KCNH6: variants seen among roughly 807,000 people sequenced by gnomAD.
KCNH6 encodes voltage-gated inwardly rectifying potassium channel KCNH6.
Under a neutral mutation model 83.4 loss-of-function variants are expected in KCNH6, and 81 were observed. The observed-to-expected ratio is 0.97, with a 90% CI of 0.81 to 1.17. The LOEUF (loss-of-function observed/expected upper bound fraction) is 1.17. KCNH6 is among the 50% of genes most tolerant of loss of function. The probability of loss-of-function intolerance (pLI) is 0.00; values close to 1 mark genes in which losing one functional copy is unlikely to be tolerated. For synonymous variants in KCNH6, 503 were observed against 545.6 expected (o/e 0.92, Z 1.09); for missense variants, 1,203 against 1,290.5 (o/e 0.93, Z 1.04).
intron 9 of KCNH6, among the ~76,000 whole-genome samples, chr17:63,543,167 T>C (rs565583236): frequency 2.8e-4 from 42 of 152,314 alleles, no homozygotes; most frequent in Non-Finnish European, 5.9e-4. Flanking sequence ...CCCCTCCACC[T>C]TGGGGGAGGG....
At chr17:63,548,779 T>A (rs755061715), downstream of KCNH6, 1 of 152,138 alleles carries the variant, frequency 6.6e-6, no homozygotes, top group Non-Finnish European at 1.5e-5. Context: ...TTTAAATTTG[T>A]TTTTAAACTT....
Position 63,545,221 on chromosome 17 carries a change from G to C in KCNH6, c.2540G>C (p.Ser847Thr), listed in dbSNP as rs1382965224. The C allele has an allele frequency of 6.2e-7, 1 of 1,613,570 alleles. No individual in the cohort carries two copies. The highest frequency in any genetic ancestry group is 1.1e-5 in the South Asian group (1 of 91,090). ...ALVPIASETT[S>T]PGPRLPQGFL... Reference sequence around the variant, plus strand: ...GTTCCTATAGCCTCGGAGACGACGAGTCCAGGGCCCAGGCTGCCCCAGGGC... The same window carrying C: ...GTTCCTATAGCCTCGGAGACGACGACTCCAGGGCCCAGGCTGCCCCAGGGC... Residue 847 changes from serine to threonine, a missense_variant, in exon 12 of 13, where the codon AGT (serine) becomes ACT (threonine). By Grantham distance (58) the Ser-to-Thr change is moderately conservative. Transcript: ENST00000314672.
In KCNH6 at chr17:63,546,254, A is replaced by AG. The variant is rs1213667171; in HGVS notation, c.*352_*353insG. 6.2e-6 allele frequency: 1 copy of AG among 161,948 alleles called. No individual in the cohort carries two copies. Among genetic ancestry groups the AG allele is most frequent in the East Asian group, 1.7e-4 (1 of 5,776 alleles). The allele number at this position is 161,948 out of a possible 1,614,324, so 10.0% of individuals were successfully genotyped here. On this transcript the variant is annotated 3_prime_UTR_variant, in exon 13 of 13. Transcript: ENST00000314672. ...GACTCCAACTCAAAAAAAAAAAAAA[A>AG]AAAGATCTTGGGGAGGCAGACAGCC...
chr17:63,530,079 T>A lies in KCNH6; in HGVS notation c.308-12T>A, dbSNP rs80311894. On this transcript the variant is annotated splice_polypyrimidine_tract_variant and intron_variant, in intron 2 of 12. Coordinates refer to ENST00000314672, the MANE Select transcript of KCNH6 (RefSeq NM_001278919.2). ...CAGGGCCCACCCCCCATCCTCCCAA[T>A]GGTGTTCGCAGCCTCCAGCTTCCGC... 2.5e-6 allele frequency: 4 copies of A among 1,612,138 alleles called. No individual in the cohort carries two copies. The Admixed American group carries it at 5.0e-5, about 20-fold the overall frequency.
At chr17:63,544,040 C>T (rs371493402) in intron 10 of KCNH6, 9 of 1,581,576 alleles carry the variant, frequency 5.7e-6, no homozygotes, top group Middle Eastern at 1.7e-4. Context: ...GGCCCCAGTT[C>T]CCCTCTAAGG....
chr17:63,525,679 C>A (rs2031663352), intron 2 of KCNH6, among the ~76,000 whole-genome samples: 1 of 152,056 alleles, frequency 6.6e-6, no homozygotes, highest in Non-Finnish European at 1.5e-5. Flanking sequence ...TCGGGTAGGT[C>A]CTGGTTGTTC....
At chr17:63,545,318 C>T in intron 12 of KCNH6, 54 bp downstream of exon 12, 1 of 1,571,228 alleles carries the variant, frequency 6.4e-7, no homozygotes, top group East Asian at 2.2e-5. Flanking sequence ...GCATGCCTTC[C>T]CTACCCTGAC....
intron 8 of KCNH6, among the ~76,000 whole-genome samples, 181 bp from the exon 9 acceptor site, chr17:63,542,060 G>A (rs530940988): frequency 1.3e-5 from 2 of 152,278 alleles, no homozygotes; most frequent in Admixed American, 6.5e-5. Flanking sequence ...GAAGAGAACA[G>A]CCCCACCCCT....
rs1295463828 is a variant in KCNH6, at chr17:63,545,732, G to A, written c.2707G>A (p.Glu903Lys). ...ACCATCCTCAGAACAGGAACAGCCT[G>A]AGGGGCTCTGGCCACCCCTAGCCTC... Reference protein sequence around the residue: ...LAPSSEQEQPEGLWPPLASPL... With the variant: ...LAPSSEQEQPKGLWPPLASPL... Residue 903 changes from glutamate to lysine, a missense_variant, in exon 13 of 13, where the codon GAG becomes AAG. Physicochemically the swap from Glu to Lys is moderately conservative, Grantham distance 56. Coordinates refer to ENST00000314672, the MANE Select transcript of KCNH6 (RefSeq NM_001278919.2). The A allele has an allele frequency of 1.2e-6, 2 of 1,614,014 alleles. No homozygotes were observed. Among genetic ancestry groups the A allele is most frequent in the African/African-American group, 2.7e-5 (2 of 74,916 alleles).
Position 63,545,988 on chromosome 17 carries a change from T to C in KCNH6, c.*86T>C, listed in dbSNP as rs1002883922. The C allele has an allele frequency of 1.0e-5, 13 of 1,294,066 alleles. 1 individual carries two copies. Among genetic ancestry groups the C allele is most frequent in the Admixed American group, 9.9e-5 (5 of 50,296 alleles). The allele number at this position is 1,294,066 out of a possible 1,614,324, so 80.2% of individuals were successfully genotyped here. A position where few individuals can be genotyped will look rare whatever the true frequency, so the allele number is the denominator to read the frequency against. On this transcript the variant is annotated 3_prime_UTR_variant, in exon 13 of 13. Coordinates refer to ENST00000314672, the MANE Select transcript of KCNH6 (RefSeq NM_001278919.2). Reference sequence around the variant, plus strand: ...TGGGGAGGTGGCCGGGTGCAGTGGCTCGCCTGTAATCCCAGCACTTTGGGA... The same window carrying C: ...TGGGGAGGTGGCCGGGTGCAGTGGCCCGCCTGTAATCCCAGCACTTTGGGA...
At chr17:63,524,514 C>G in intron 2 of KCNH6, 145 bp downstream of exon 2, 1 of 657,694 alleles carries the variant, frequency 1.5e-6, no homozygotes, top group Admixed American at 2.6e-5. Flanking sequence ...GGTTCCTCCA[C>G]AGGCATTGGA....
chr17:63,545,163 C>G lies in KCNH6; in HGVS notation c.2482C>G (p.Leu828Val). Residue 828 changes from leucine to valine, a missense_variant, in exon 12 of 13, where the codon CTG becomes GTG. Transcript: ENST00000314672. ...PMPQGHASYILEAPASNDLAL... is the reference protein window; with the variant it reads ...PMPQGHASYIVEAPASNDLAL... ...GCCCCAGGGCCACGCCAGCTACATT[C>G]TGGAAGCCCCTGCCTCCAATGACCT... The G allele has an allele frequency of 6.2e-7, 1 of 1,613,856 alleles. No individual in the cohort carries two copies. The highest frequency in any genetic ancestry group is 1.1e-5 in the South Asian group (1 of 91,086).
downstream of KCNH6, chr17:63,548,705 T>C (rs2033194305): frequency 6.6e-6 from 1 of 152,158 alleles, no homozygotes; most frequent in African/African-American, 2.4e-5. Context: ...TGTGGATAAA[T>C]ATCATTATTT....
At chr17:63,525,332 C>G (rs2031636196) in intron 2 of KCNH6, among the ~76,000 whole-genome samples, 1 of 152,210 alleles carries the variant, frequency 6.6e-6, no homozygotes, top group Admixed American at 6.5e-5. Context: ...ACCCAAGTCT[C>G]TGGATTCCTC....
chr17:63,524,533 C>A (rs1273630074), intron 2 of KCNH6, among the ~76,000 whole-genome samples, 164 bp downstream of exon 2: 1 of 152,206 alleles, frequency 6.6e-6, no homozygotes, highest in East Asian at 1.9e-4. Flanking sequence ...GATATGATGC[C>A]TTCTGAGGTC....
In KCNH6 at chr17:63,535,934, G is replaced by T; in HGVS notation, c.1367G>T (p.Gly456Val). 6.2e-7 allele frequency: 1 copy of T among 1,613,962 alleles called. No individual in the cohort carries two copies. Among genetic ancestry groups the T allele is most frequent in the Non-Finnish European group, 8.5e-7 (1 of 1,180,036 alleles). Residue 456 changes from glycine to valine, a missense_variant, in exon 6 of 13, where the codon GGC becomes GTC. Transcript: ENST00000314672. This position sits in a 1 kb window ranked among gnomAD's most constrained non-coding sequence, Gnocchi z 4.9. ...TACAACGGCAGCGACCCAGCCTCGG[G>T]CCCCTCGGTGCAGGACAAGTATGTC... The part of the protein sequence containing the change: ...KRYNGSDPAS[G>V]PSVQDKYVTA...
intron 11 of KCNH6, among the ~76,000 whole-genome samples, chr17:63,544,646 A>G (rs1186906912): frequency 6.6e-6 from 1 of 152,076 alleles, no homozygotes; most frequent in Non-Finnish European, 1.5e-5. Flanking sequence ...CAAATTCCAT[A>G]GGTCCTGGGA....
At chr17:63,526,390 CTTTTT>C (rs11316766) in intron 2 of KCNH6, among the ~76,000 whole-genome samples, 15 of 134,662 alleles carry the variant, frequency 1.1e-4, no homozygotes, top group Non-Finnish European at 9.4e-5. Flanking sequence ...TCATATAATC[CTTTTT>C]TTTTTTTTTT....
At chr17:63,544,434 T>C (rs759540275) in intron 11 of KCNH6, 23 bp downstream of exon 11, 2 of 1,499,536 alleles carry the variant, frequency 1.3e-6, no homozygotes, top group African/African-American at 1.4e-5. Flanking sequence ...TGGTCAGGGC[T>C]GGGGGCTGGT....
Sources: allele counts gnomAD v4.1 joint callset (sites outside exome capture counted in the v4.1 genomes callset), GRCh38; gene constraint gnomAD v4.1.1; non-coding constraint Gnocchi (gnomAD v3.1); transcripts MANE v1.5; gene names NCBI Gene and HGNC (gene_info 2026-07-23, HGNC 2026-07-21).